Variants in SLC35F2 observed in about 807,000 individuals in gnomAD.
The protein encoded by SLC35F2 is solute carrier family 35 member F2, also known as queuine/queuosine transporter SLC35F2.
In SLC35F2, 25 loss-of-function variants were observed where a neutral mutation model predicts 38.1. The observed-to-expected ratio is 0.66, with a 90% CI of 0.48 to 0.92. The LOEUF is 0.92. SLC35F2 is among the 40% of genes least tolerant of loss of function. The pLI is 0.00. For missense variants in SLC35F2, 409 were observed against 452.9 expected (o/e 0.90, Z 0.88); for synonymous variants, 173 against 181.7 (o/e 0.95, Z 0.38).
intron 1 of SLC35F2, among the ~76,000 whole-genome samples, chr11:107,833,518 C>CAAAAAAAAAAAAAAAAAAAA (rs34376803): frequency 5.6e-4 from 50 of 89,512 alleles, no homozygotes; most frequent in African/African-American, 1.3e-3. Flanking sequence ...GACTCTGTCT[C>CAAAAAAAAAAAAAAAAAAAA]AAAAAAAAAA....
chr11:107,802,949 G>GT (rs1360562361), intron 7 of SLC35F2, 52 bp downstream of exon 7: 9 of 1,505,924 alleles, frequency 6.0e-6, no homozygotes, highest in African/African-American at 1.4e-5. Context: ...AACCTGCTAC[G>GT]TTTTTTGGAT....
At chr11:107,841,335 G>A (rs1377810949) in intron 1 of SLC35F2, among the ~76,000 whole-genome samples, 1 of 152,168 alleles carries the variant, frequency 6.6e-6, no homozygotes, top group East Asian at 1.9e-4. Flanking sequence ...GGCCAAGGCA[G>A]GTGGATCACC....
intron 7 of SLC35F2, among the ~76,000 whole-genome samples, chr11:107,801,021 C>T (rs1178592802): frequency 2.6e-5 from 4 of 151,340 alleles, no homozygotes; most frequent in Admixed American, 6.6e-5. Context: ...TCTCCTGCCT[C>T]GGCTTCCCGA....
Position 107,792,467 on chromosome 11 carries a change from T to G in SLC35F2, c.*148A>C. 1.2e-6 allele frequency: 1 copy of G among 866,364 alleles called. No homozygotes were observed. Among genetic ancestry groups the G allele is most frequent in the African/African-American group, 1.7e-5 (1 of 57,742 alleles). 53.7% of individuals were successfully genotyped at this position (866,364 alleles called of 1,614,324 possible). Reference sequence around the variant, plus strand: ...TGGTATTTCTACTTTTGAACTTTGTTCAGTGTTCCTTTCTAAAACCTAACC... The same window carrying G: ...TGGTATTTCTACTTTTGAACTTTGTGCAGTGTTCCTTTCTAAAACCTAACC... On this transcript the variant is annotated 3_prime_UTR_variant, in exon 8 of 8. Coordinates refer to ENST00000525815, the MANE Select transcript of SLC35F2 (RefSeq NM_017515.5).
intron 3 of SLC35F2, 25 bp from the exon 4 acceptor site, chr11:107,806,901 T>C: frequency 6.2e-7 from 1 of 1,605,282 alleles, no homozygotes. Flanking sequence ...AATCAACAGT[T>C]TAAAACATAT....
chr11:107,805,425 T>C lies in SLC35F2; in HGVS notation c.665A>G (p.Lys222Arg), dbSNP rs1859375981. Residue 222 changes from lysine (K) to arginine (R), a missense_variant, in exon 5 of 8, where the codon AAG becomes AGG. Transcript: ENST00000525815. ...TCCTAAAAACTCCTGTCTGCTCAGC[T>C]TCTTCACGATGTATTCCTCACAAAC... Reference protein sequence around the residue: ...SNVCEEYIVKKLSRQEFLGMV... With the variant: ...SNVCEEYIVKRLSRQEFLGMV... The C allele has an allele frequency of 1.2e-6, 2 of 1,614,162 alleles. No homozygotes were observed. Among genetic ancestry groups the C allele is most frequent in the African/African-American group, 1.3e-5 (1 of 75,052 alleles).
intron 1 of SLC35F2, among the ~76,000 whole-genome samples, chr11:107,856,236 A>C (rs1860279402): frequency 6.6e-6 from 1 of 152,212 alleles, no homozygotes; most frequent in South Asian, 2.1e-4. Flanking sequence ...CTCCTGAAGC[A>C]ATCACCAAAT....
intron 7 of SLC35F2, among the ~76,000 whole-genome samples, chr11:107,800,961 A>G (rs1859299076): frequency 6.9e-6 from 1 of 144,558 alleles, no homozygotes; most frequent in Admixed American, 7.2e-5. Context: ...CTAAAATGCA[A>G]TGGCACAATC....
intron 7 of SLC35F2, among the ~76,000 whole-genome samples, chr11:107,800,986 C>T (rs544354136): frequency 1.3e-5 from 2 of 148,772 alleles, no homozygotes; most frequent in South Asian, 4.2e-4. Flanking sequence ...TTCACTACAA[C>T]CTCTGCCTCT....
intron 1 of SLC35F2, 36 bp downstream of exon 1, chr11:107,858,622 G>GC (rs1456314697): frequency 7.9e-7 from 1 of 1,259,970 alleles, no homozygotes; most frequent in African/African-American, 1.5e-5. Flanking sequence ...CCGCCCCCAC[G>GC]CCCCAGCGGA....
chr11:107,819,375 C>T (rs73001550), intron 1 of SLC35F2, among the ~76,000 whole-genome samples: 8,387 of 152,228 alleles, frequency 0.055, 463 homozygotes, highest in African/African-American at 0.14. Context: ...TCCAAGGACA[C>T]TGTGTTAGGT....
intron 1 of SLC35F2, among the ~76,000 whole-genome samples, chr11:107,853,515 G>A (rs1005663229): frequency 4.0e-5 from 6 of 151,396 alleles, no homozygotes; most frequent in South Asian, 2.1e-4. Flanking sequence ...TCAGGAGATC[G>A]AGACCATCCT....
At position 107,792,786 on chromosome 11, in the gene SLC35F2, G is replaced by A. The variant is rs1859153893; in HGVS notation, c.954C>T (p.Tyr318=). Residue 318 remains tyrosine (Y), a synonymous_variant, in exon 8 of 8, where the codon TAC becomes TAT. Coordinates refer to ENST00000525815, the MANE Select transcript of SLC35F2 (RefSeq NM_017515.5). Reference sequence around the variant, plus strand: ...CCATGATGACAGTGAAGGACAGGATGTAGAGTCCTGAAAACTAGAAGGGAA... The same window carrying A: ...CCATGATGACAGTGAAGGACAGGATATAGAGTCCTGAAAACTAGAAGGGAA... The part of the protein sequence containing the change: ...FLFGYKFSGL[Y]ILSFTVIMVG... 1 of 1,577,876 alleles carries A rather than the reference G, an allele frequency of 6.3e-7. No homozygotes were observed. The highest frequency in any genetic ancestry group is 1.8e-5 in the Admixed American group (1 of 55,536).
intron 1 of SLC35F2, among the ~76,000 whole-genome samples, chr11:107,845,407 G>A (rs1048960577): frequency 1.3e-5 from 2 of 151,038 alleles, no homozygotes; most frequent in Non-Finnish European, 2.9e-5. Flanking sequence ...GCAAAACCCA[G>A]CTACTCGGGA....
Position 107,816,263 on chromosome 11 carries a change from C to T in SLC35F2, c.111-298G>A, listed in dbSNP as rs541749224. On this transcript the variant is annotated intron_variant, in intron 1 of 7. Coordinates refer to ENST00000525815, the MANE Select transcript of SLC35F2 (RefSeq NM_017515.5). Reference sequence around the variant, plus strand: ...GCTATAACATATACTTTGTAAAGTGCGCACGTGTGTGTGTGTGTGTATGAC... The same window carrying T: ...GCTATAACATATACTTTGTAAAGTGTGCACGTGTGTGTGTGTGTGTATGAC... The T allele has an allele frequency of 7.2e-5, 68 of 943,514 alleles. No individual in the cohort carries two copies. The East Asian group carries it at 4.2e-3, about 59-fold the overall frequency. 58.4% of individuals were successfully genotyped at this position (943,514 alleles called of 1,614,324 possible).
At chr11:107,846,407 T>A (rs1860105586) in intron 1 of SLC35F2, among the ~76,000 whole-genome samples, 1 of 152,200 alleles carries the variant, frequency 6.6e-6, no homozygotes, top group Non-Finnish European at 1.5e-5. Flanking sequence ...TCTCATATAT[T>A]TGTCTTAAAT....
intron 1 of SLC35F2, among the ~76,000 whole-genome samples, chr11:107,820,625 T>C (rs1401366587): frequency 6.6e-6 from 1 of 152,068 alleles, no homozygotes; most frequent in East Asian, 1.9e-4. Flanking sequence ...CCCTCCTGTA[T>C]CTCTCCATTA....
chr11:107,832,486 C>T (rs556581695), intron 1 of SLC35F2, among the ~76,000 whole-genome samples: 1 of 152,194 alleles, frequency 6.6e-6, no homozygotes, highest in African/African-American at 2.4e-5. Flanking sequence ...TTATTCTGTA[C>T]ATACTAGTTT....
intron 2 of SLC35F2, among the ~76,000 whole-genome samples, chr11:107,815,108 G>A (rs965162408): frequency 2.6e-5 from 4 of 151,844 alleles, no homozygotes; most frequent in African/African-American, 9.7e-5. Flanking sequence ...TGAGCTACAC[G>A]TGCAACTGAC....
Sources: allele counts gnomAD v4.1 joint callset (sites outside exome capture counted in the v4.1 genomes callset), GRCh38; gene constraint gnomAD v4.1.1; transcripts MANE v1.5; gene names NCBI Gene and HGNC (gene_info 2026-07-23, HGNC 2026-07-21).